Variants in ZFP1 observed in about 807,000 individuals in gnomAD.
The protein encoded by ZFP1 is zinc finger protein 1 homolog.
Under a neutral mutation model 38.5 loss-of-function variants are expected in ZFP1, and 32 were observed. The observed-to-expected ratio is 0.83, with a 90% CI of 0.63 to 1.12. The LOEUF (loss-of-function observed/expected upper bound fraction) is 1.12. Ranked by LOEUF, ZFP1 falls within the 50% of genes most tolerant of loss-of-function variation. ZFP1 has a pLI of 0.00. For synonymous variants in ZFP1, 245 were observed against 168.8 expected, an observed-to-expected ratio of 1.45 and a Z score of -3.50; for missense variants, 616 against 480.8, an observed-to-expected ratio of 1.28 and a Z score of -2.63.
the ZFP1 span, among the ~76,000 whole-genome samples, chr16:75,136,996 C>T: frequency 6.6e-6 from 1 of 152,104 alleles, no homozygotes; most frequent in Non-Finnish European, 1.5e-5. Flanking sequence ...TAATAATACC[C>T]TAAGAAGCAA....
chr16:75,136,653 G>T, the ZFP1 span, among the ~76,000 whole-genome samples: 1 of 152,120 alleles, frequency 6.6e-6, no homozygotes, highest in Non-Finnish European at 1.5e-5. Context: ...AGGATCACTT[G>T]AACCCAGGAG....
chr16:75,161,974 A>G (rs1205651182), intron 2 of ZFP1, among the ~76,000 whole-genome samples: 48 of 148,712 alleles, frequency 3.2e-4, no homozygotes, highest in African/African-American at 1.2e-3. Flanking sequence ...TGGTAGAGAA[A>G]GGGTTTCCCC....
chr16:75,168,768 A>ACT (rs2038244756), intron 3 of ZFP1, among the ~76,000 whole-genome samples: 2 of 152,190 alleles, frequency 1.3e-5, no homozygotes, highest in African/African-American at 4.8e-5. Flanking sequence ...AAAAGCTTAG[A>ACT]ACTATGCAGA....
At chr16:75,120,081 A>C in the ZFP1 span, among the ~76,000 whole-genome samples, 1 of 152,202 alleles carries the variant, frequency 6.6e-6, no homozygotes, top group African/African-American at 2.4e-5. Context: ...TTTTTAAAGG[A>C]GCTCAATGAT....
At chr16:75,126,007 C>T in the ZFP1 span, among the ~76,000 whole-genome samples, 1 of 147,100 alleles carries the variant, frequency 6.8e-6, no homozygotes, top group Non-Finnish European at 1.5e-5. Context: ...CTGAGATCAA[C>T]CCCCTGAACT....
chr16:75,154,098 C>T (rs1221346658), intron 2 of ZFP1, among the ~76,000 whole-genome samples: 16 of 152,144 alleles, frequency 1.1e-4, no homozygotes, highest in Non-Finnish European at 2.2e-4. Flanking sequence ...GTGGCGGGCG[C>T]CTGTAGTCCC....
intron 2 of ZFP1, 46 bp from the exon 3 acceptor site, chr16:75,166,724 A>G (rs745981818): frequency 3.7e-6 from 6 of 1,613,730 alleles, no homozygotes; most frequent in Non-Finnish European, 4.2e-6. Context: ...TCCTTTCTAT[A>G]TCACCAAATG....
At chr16:75,152,790 T>C in intron 1 of ZFP1, 119 bp from the exon 2 acceptor site, 4 of 869,110 alleles carry the variant, frequency 4.6e-6, no homozygotes, top group South Asian at 3.6e-5. Flanking sequence ...GCAAAGGGAC[T>C]TTCCCAGGAG....
chr16:75,169,108 G>C (rs779499200), intron 3 of ZFP1, 145 bp from the exon 4 acceptor site: 29 of 1,114,220 alleles, frequency 2.6e-5, no homozygotes, highest in Non-Finnish European at 3.3e-5. Context: ...GGAAACATTT[G>C]CACTGGGAAT....
chr16:75,154,804 T>C (rs2037390390), intron 2 of ZFP1, among the ~76,000 whole-genome samples: 1 of 152,030 alleles, frequency 6.6e-6, no homozygotes, highest in African/African-American at 2.4e-5. Context: ...GTTTTTAATT[T>C]TTATTTTTTT....
chr16:75,133,000 C>G, the ZFP1 span, among the ~76,000 whole-genome samples: 1 of 150,088 alleles, frequency 6.7e-6, no homozygotes, highest in East Asian at 2.0e-4. Context: ...TTTTTCAAGA[C>G]GGAGTCTTGC....
chr16:75,124,509 CAT>C, the ZFP1 span, among the ~76,000 whole-genome samples: 3 of 146,300 alleles, frequency 2.1e-5, no homozygotes, highest in South Asian at 4.8e-4. Flanking sequence ...AGGGGCCGGG[CAT>C]GGTGGCTCAC....
intron 2 of ZFP1, among the ~76,000 whole-genome samples, chr16:75,157,486 C>G (rs547047941): frequency 6.6e-6 from 1 of 151,942 alleles, no homozygotes; most frequent in Non-Finnish European, 1.5e-5. Flanking sequence ...TCAAGTGATA[C>G]GCCCTCCTCA....
chr16:75,125,157 G>T, the ZFP1 span, among the ~76,000 whole-genome samples: 3 of 152,194 alleles, frequency 2.0e-5, no homozygotes, highest in South Asian at 6.2e-4. Flanking sequence ...TATTTGGGAG[G>T]CTGAGGCAGG....
intron 2 of ZFP1, among the ~76,000 whole-genome samples, chr16:75,162,813 A>G (rs1597069124): frequency 6.6e-6 from 1 of 152,138 alleles, no homozygotes; most frequent in African/African-American, 2.4e-5. Flanking sequence ...CTCCACCTGC[A>G]TCCATGTTGC....
the ZFP1 span, among the ~76,000 whole-genome samples, chr16:75,137,268 T>C: frequency 1.3e-5 from 2 of 151,974 alleles, no homozygotes; most frequent in Non-Finnish European, 2.9e-5. Context: ...TAGAATAATA[T>C]TGGGTTATTC....
chr16:75,132,305 CTT>C, the ZFP1 span, among the ~76,000 whole-genome samples: 1 of 151,416 alleles, frequency 6.6e-6, no homozygotes, highest in African/African-American at 2.4e-5. Context: ...GGGAGGATCA[CTT>C]GAGTCTGGGA....
chr16:75,141,784 CT>C, the ZFP1 span, among the ~76,000 whole-genome samples: 1 of 151,168 alleles, frequency 6.6e-6, no homozygotes, highest in South Asian at 2.1e-4. Context: ...ACCATGGTGG[CT>C]CAAGTCTGTA....
chr16:75,156,497 G>A (rs1471957445), intron 2 of ZFP1, among the ~76,000 whole-genome samples: 4 of 151,924 alleles, frequency 2.6e-5, no homozygotes, highest in Admixed American at 6.6e-5. Flanking sequence ...GCTACTGTTG[G>A]ACAAAGCCTC....
Sources: allele counts gnomAD v4.1 joint callset (sites outside exome capture counted in the v4.1 genomes callset), GRCh38; gene constraint gnomAD v4.1.1; transcripts MANE v1.5; gene names NCBI Gene and HGNC (gene_info 2026-07-23, HGNC 2026-07-21).